Variants in PPP1R16B observed in about 807,000 individuals in gnomAD.
PPP1R16B encodes the protein protein phosphatase 1 regulatory subunit 16B.
PPP1R16B carries 14 observed loss-of-function variants against 61.7 expected under a neutral mutation model. The ratio of observed to expected loss-of-function variants is 0.23; its 90% confidence interval spans 0.15 to 0.35. The LOEUF (loss-of-function observed/expected upper bound fraction) is 0.35. Ranked by LOEUF, PPP1R16B falls within the 10% of genes least tolerant of loss-of-function variation. PPP1R16B has a pLI of 1.00. For missense variants in PPP1R16B, 547 were observed against 752.5 expected (o/e 0.73, Z 3.19); for synonymous variants, 266 against 305.3 (o/e 0.87, Z 1.34).
At position 38,855,978 on chromosome 20, in the gene PPP1R16B, A is replaced by AGGAGGAGGAGGAG. The variant is rs1555804346; in HGVS notation, c.250+19804_250+19805insGAGGAGGAGGAGG. On this transcript the variant is annotated intron_variant, in intron 2 of 10. Coordinates refer to ENST00000299824, the MANE Select transcript of PPP1R16B (RefSeq NM_015568.4). ...GAGAGAGAGAGAGAGAGAGAGAGAG[A>AGGAGGAGGAGGAG]GAGAAGGAGGAGGAGAGAGACCAGG... Among the ~76,000 whole-genome samples the AGGAGGAGGAGGAG allele has an allele frequency of 3.2e-3, 96 of 29,742 alleles. 6 individuals are homozygous for AGGAGGAGGAGGAG. Among genetic ancestry groups the AGGAGGAGGAGGAG allele is most frequent in the Middle Eastern group, 0.014 (1 of 74 alleles). 19.5% of individuals were successfully genotyped at this position (29,742 alleles called of 152,430 possible).
chr20:38,855,943 T>TAGAGAG lies in PPP1R16B; in HGVS notation c.250+19802_250+19807dup, dbSNP rs1293814608. ...ATATATATATATATATATATATATA[T>TAGAGAG]AGAGAGAGAGAGAGAGAGAGAGAGA... On this transcript the variant is annotated intron_variant, in intron 2 of 10. Transcript: ENST00000299824. Among the ~76,000 whole-genome samples, 28 of 15,056 alleles carry TAGAGAG rather than the reference T, an allele frequency of 1.9e-3. 4 individuals carry two copies. The highest frequency in any genetic ancestry group is 3.1e-3 in the African/African-American group (7 of 2,256). 9.9% of individuals were successfully genotyped at this position (15,056 alleles called of 152,430 possible).
Position 38,806,631 on chromosome 20 carries a change from G to T in PPP1R16B, c.-102+839G>T, listed in dbSNP as rs527395527. ...TCACCCGGAGTGCCCAGGCTGAGCTGCCCAGACCGCCCCGGGTGGAGAGCC... is the reference window on the plus strand; with the variant it reads ...TCACCCGGAGTGCCCAGGCTGAGCTTCCCAGACCGCCCCGGGTGGAGAGCC... On this transcript the variant is annotated intron_variant, in intron 1 of 10. Coordinates refer to ENST00000299824, the MANE Select transcript of PPP1R16B (RefSeq NM_015568.4). This position sits in a 1 kb window ranked among gnomAD's most constrained non-coding sequence, Gnocchi z 4.5. 6.6e-6 allele frequency among the ~76,000 whole-genome samples: 1 copy of T among 152,290 alleles called. No individual in the cohort carries two copies. Among genetic ancestry groups the T allele is most frequent in the African/African-American group, 2.4e-5 (1 of 41,566 alleles).
intron 2 of PPP1R16B, among the ~76,000 whole-genome samples, chr20:38,863,729 G>T (rs139645344): frequency 1.4e-4 from 22 of 152,328 alleles, no homozygotes; most frequent in Non-Finnish European, 2.1e-4. Context: ...TATATAGTAG[G>T]TGCTCAATAG....
At chr20:38,882,060 A>G (rs1430010071) in intron 2 of PPP1R16B, among the ~76,000 whole-genome samples, 1 of 152,190 alleles carries the variant, frequency 6.6e-6, no homozygotes, top group African/African-American at 2.4e-5. Flanking sequence ...CTATTTAATA[A>G]CAGCAGGTTA....
intron 6 of PPP1R16B, among the ~76,000 whole-genome samples, chr20:38,905,590 G>A (rs1244510236): frequency 1.3e-5 from 2 of 152,146 alleles, no homozygotes; most frequent in Non-Finnish European, 2.9e-5. Context: ...CACATTCAAG[G>A]TGAGAACAGT....
chr20:38,866,702 G>A (rs749559397), intron 2 of PPP1R16B, among the ~76,000 whole-genome samples: 2 of 152,208 alleles, frequency 1.3e-5, no homozygotes, highest in Non-Finnish European at 2.9e-5. Flanking sequence ...TCAGGAATCT[G>A]CACTGTGGAG....
chr20:38,911,863 G>A (rs1365283671), intron 10 of PPP1R16B, among the ~76,000 whole-genome samples: 2 of 152,002 alleles, frequency 1.3e-5, no homozygotes, highest in Non-Finnish European at 2.9e-5. Flanking sequence ...TGGACATTTG[G>A]GTTTCTTGTT....
chr20:38,901,164 C>G (rs930584886), intron 5 of PPP1R16B, among the ~76,000 whole-genome samples: 3 of 152,174 alleles, frequency 2.0e-5, no homozygotes, highest in Non-Finnish European at 4.4e-5. Flanking sequence ...CAATGAGAGA[C>G]CTGCGTGCCC....
intron 1 of PPP1R16B, among the ~76,000 whole-genome samples, chr20:38,832,824 G>A (rs938660378): frequency 2.6e-5 from 4 of 151,724 alleles, no homozygotes; most frequent in Admixed American, 2.6e-4. Flanking sequence ...AGGCTGAGGT[G>A]GGAGAATCGC....
At chr20:38,812,499 A>G (rs964791068) in intron 1 of PPP1R16B, among the ~76,000 whole-genome samples, 1 of 152,224 alleles carries the variant, frequency 6.6e-6, no homozygotes, top group Admixed American at 6.5e-5. Flanking sequence ...ACGGGAAGAC[A>G]TCGCTTGTTT....
Position 38,918,351 on chromosome 20 carries a change from C to T in PPP1R16B, c.1389C>T (p.Ala463=), listed in dbSNP as rs200253296. 4.3e-5 allele frequency: 69 copies of T among 1,614,124 alleles called. No individual in the cohort carries two copies. Among genetic ancestry groups the T allele is most frequent in the African/African-American group, 8.0e-5 (6 of 75,050 alleles). The part of the protein sequence containing the change: ...YSMAYGNPGV[A]DATPPWSSYK... ...TGGCCTATGGCAACCCTGGCGTGGCCGACGCCACCCCGCCCTGGAGCAGCT... is the reference window on the plus strand; with the variant it reads ...TGGCCTATGGCAACCCTGGCGTGGCTGACGCCACCCCGCCCTGGAGCAGCT... The change falls in exon 11 of 11, where the codon GCC becomes GCT. Residue 463 remains alanine (A), a synonymous_variant. Coordinates refer to ENST00000299824, the MANE Select transcript of PPP1R16B (RefSeq NM_015568.4). This position sits in a 1 kb window ranked among gnomAD's most constrained non-coding sequence, Gnocchi z 5.3.
chr20:38,807,046 A>G (rs1014907300), intron 1 of PPP1R16B, among the ~76,000 whole-genome samples: 1 of 152,286 alleles, frequency 6.6e-6, no homozygotes, highest in South Asian at 2.1e-4. Context: ...CCGCCTCTGA[A>G]TCACCCTCTG....
intron 2 of PPP1R16B, among the ~76,000 whole-genome samples, chr20:38,842,759 A>T (rs1407930040): frequency 2.0e-5 from 3 of 151,764 alleles, no homozygotes; most frequent in Non-Finnish European, 4.4e-5. Context: ...CCAGCAGCTC[A>T]TCTACAGGAA....
At chr20:38,905,104 T>G (rs1401722303) in intron 6 of PPP1R16B, among the ~76,000 whole-genome samples, 1 of 152,244 alleles carries the variant, frequency 6.6e-6, no homozygotes, top group Non-Finnish European at 1.5e-5. Context: ...GTATTATCTA[T>G]TGCTGCATAA....
At chr20:38,882,033 G>T (rs2145753284) in intron 2 of PPP1R16B, among the ~76,000 whole-genome samples, 1 of 152,328 alleles carries the variant, frequency 6.6e-6, no homozygotes, top group Middle Eastern at 3.4e-3. Flanking sequence ...GTAAACTGGA[G>T]CAATAATCGC....
At chr20:38,809,732 C>T (rs2084685940) in intron 1 of PPP1R16B, among the ~76,000 whole-genome samples, 1 of 152,068 alleles carries the variant, frequency 6.6e-6, no homozygotes, top group East Asian at 1.9e-4. Flanking sequence ...GTAATCCCAG[C>T]AATTTGGGAG....
At chr20:38,811,616 A>G (rs901743821) in intron 1 of PPP1R16B, among the ~76,000 whole-genome samples, 9 of 152,032 alleles carry the variant, frequency 5.9e-5, no homozygotes, top group Middle Eastern at 6.3e-3. Context: ...TGTGAGCATT[A>G]CTCTTTTAGT....
chr20:38,817,555 A>G (rs2145706575), intron 1 of PPP1R16B, among the ~76,000 whole-genome samples: 1 of 149,586 alleles, frequency 6.7e-6, no homozygotes, highest in East Asian at 2.0e-4. Context: ...ACAAGATTGA[A>G]ACTCCATCTC....
intron 2 of PPP1R16B, among the ~76,000 whole-genome samples, chr20:38,887,036 C>T (rs1003960403): frequency 2.6e-5 from 4 of 151,476 alleles, no homozygotes; most frequent in Non-Finnish European, 5.9e-5. Context: ...ACCTAAAGGA[C>T]GAGGAGTGGG....
Sources: gnomAD v4.1 joint callset for allele counts (sites outside exome capture counted in the v4.1 genomes callset) on GRCh38, gnomAD v4.1.1 for gene constraint, Gnocchi (gnomAD v3.1) non-coding constraint, MANE v1.5 for transcripts, NCBI Gene and HGNC (gene_info 2026-07-23, HGNC 2026-07-21) for gene names.